The following TNKS1BP1 variants were observed in gnomAD, a reference collection of about 807,000 sequenced individuals.
TNKS1BP1 encodes the protein CCR4-NOT transcription complex subunit 12, also known as 182 kDa tankyrase-1-binding protein.
A neutral mutation model predicts 141.1 loss-of-function variants in TNKS1BP1; 48 were observed. The ratio of observed to expected loss-of-function variants is 0.34; its 90% CI spans 0.27 to 0.43. The LOEUF is 0.43. TNKS1BP1 is among the 20% of genes least tolerant of loss of function. The probability of loss-of-function intolerance (pLI) is 1.00; values close to 1 mark genes in which losing one functional copy is unlikely to be tolerated. For synonymous variants in TNKS1BP1, 875 were observed against 898.2 expected, an observed-to-expected ratio of 0.97 and a Z score of 0.46; for missense variants, 2,149 against 2,226.0, an observed-to-expected ratio of 0.97 and a Z score of 0.70.
In TNKS1BP1 at chr11:57,310,095, T is replaced by C. The variant is rs1855681366; in HGVS notation, c.2616A>G (p.Ser872=). 2 of 1,614,170 alleles carry C rather than the reference T, an allele frequency of 1.2e-6. No individual in the cohort carries two copies. The highest frequency in any genetic ancestry group is 1.1e-5 in the South Asian group (1 of 91,084). Residue 872 remains serine (S), a synonymous_variant, in exon 6 of 12, where the codon TCA becomes TCG. Transcript: ENST00000358252. ...LQDQEFGKRD[S]LGTYSSRDVS... is the part of the protein sequence containing the mutation. Reference sequence around the variant, plus strand: ...CATCTCGACTACTGTAGGTACCCAGTGAATCTCTCTTTCCGAATTCCTGGT... The same window carrying C: ...CATCTCGACTACTGTAGGTACCCAGCGAATCTCTCTTTCCGAATTCCTGGT...
chr11:57,312,914 A>C lies in TNKS1BP1; in HGVS notation c.1774T>G (p.Ser592Ala). Residue 592 changes from serine to alanine, a missense_variant, in exon 5 of 12, where the codon TCG (serine) becomes GCG (alanine). Physicochemically the swap from Ser to Ala is moderately conservative, Grantham distance 99 (BLOSUM62 1). Transcript: ENST00000358252. ...PLQQAEERYE[S>A]QEPLAGQESP... ...TCCTGTCCAGCCAAGGGCTCCTGCG[A>C]CTCGTATCTCTCCTCTGCCTGCTGC... 6.2e-7 allele frequency: 1 copy of C among 1,610,542 alleles called. No individual in the cohort carries two copies.
At chr11:57,320,805 G>T in intron 2 of TNKS1BP1, 93 bp from the exon 3 acceptor site, 1 of 1,373,638 alleles carries the variant, frequency 7.3e-7, no homozygotes, top group South Asian at 1.6e-5. Flanking sequence ...CCCACCCTCC[G>T]ATTTAAGAAT....
chr11:57,311,372 G>A lies in TNKS1BP1; in HGVS notation c.2155-816C>T, dbSNP rs190709989. 1,877 of 985,650 alleles carry A rather than the reference G, an allele frequency of 1.9e-3. 26 individuals carry two copies. The African/African-American group carries it at 0.029, about 15-fold the overall frequency. 61.1% of individuals were successfully genotyped at this position (985,650 alleles called of 1,614,324 possible). A position where few individuals can be genotyped will look rare whatever the true frequency, so the allele number is the denominator to read the frequency against. ...TCCCCAGGCTGGGCCATGGCCCCCCGCCCCCAACCCGCCTTGGGGCTGCTG... is the reference window on the plus strand; with the variant it reads ...TCCCCAGGCTGGGCCATGGCCCCCCACCCCCAACCCGCCTTGGGGCTGCTG... On this transcript the variant is annotated intron_variant, in intron 5 of 11. Coordinates refer to ENST00000358252, the MANE Select transcript of TNKS1BP1 (RefSeq NM_033396.3).
At chr11:57,322,009 C>G in intron 1 of TNKS1BP1, 59 bp from the exon 2 acceptor site, 1 of 1,413,364 alleles carries the variant, frequency 7.1e-7, no homozygotes, top group Non-Finnish European at 9.3e-7. Flanking sequence ...GTAGGTTTAG[C>G]AGAGAGAAGT....
chr11:57,310,691 C>G, intron 5 of TNKS1BP1, 135 bp from the exon 6 acceptor site: 1 of 1,169,464 alleles, frequency 8.6e-7, no homozygotes, highest in Non-Finnish European at 1.2e-6. Flanking sequence ...TGACCTTGAG[C>G]AAATCACTTA....
chr11:57,318,931 T>G (rs1855838219), intron 3 of TNKS1BP1, among the ~76,000 whole-genome samples: 1 of 151,926 alleles, frequency 6.6e-6, no homozygotes, highest in African/African-American at 2.4e-5. Flanking sequence ...GATCACGAGG[T>G]CAGGAGATCG....
chr11:57,303,630 C>A (rs1855563835), intron 6 of TNKS1BP1, among the ~76,000 whole-genome samples: 1 of 152,226 alleles, frequency 6.6e-6, no homozygotes, highest in Non-Finnish European at 1.5e-5. Flanking sequence ...TTTATGCCCC[C>A]AGCACCTGAC....
At chr11:57,318,013 A>G in intron 3 of TNKS1BP1, 126 bp from the exon 4 acceptor site, 1 of 821,240 alleles carries the variant, frequency 1.2e-6, no homozygotes, top group Non-Finnish European at 2.0e-6. Flanking sequence ...CTAGCCATTT[A>G]CTCTTGAGCC....
chr11:57,310,965 CCT>C (rs1366381127), intron 5 of TNKS1BP1, among the ~76,000 whole-genome samples: 1 of 152,166 alleles, frequency 6.6e-6, no homozygotes, highest in African/African-American at 2.4e-5. Flanking sequence ...AGATTCAAAG[CCT>C]CTCTGCGACT....
intron 1 of TNKS1BP1, among the ~76,000 whole-genome samples, chr11:57,323,903 C>T (rs909741955): frequency 5.3e-5 from 8 of 152,132 alleles, no homozygotes; most frequent in African/African-American, 1.9e-4. Context: ...GTATGAGGGG[C>T]TGCAGCAATG....
At chr11:57,314,076 A>G (rs1044162085) in intron 4 of TNKS1BP1, among the ~76,000 whole-genome samples, 187 bp from the exon 5 acceptor site, 1 of 152,162 alleles carries the variant, frequency 6.6e-6, no homozygotes, top group Non-Finnish European at 1.5e-5. Flanking sequence ...GACTTCTCAC[A>G]GAGCCCCCTT....
rs769550905 is a variant in TNKS1BP1 at position 57,312,517 on chromosome 11, C to T, written c.2154+17G>A. The T allele has an allele frequency of 2.0e-6, 3 of 1,465,110 alleles. No homozygotes were observed. The South Asian group carries it at 4.7e-5, about 23-fold the overall frequency. The allele number at this position is 1,465,110 out of a possible 1,614,324, so 90.8% of individuals were successfully genotyped here. A position where few individuals can be genotyped will look rare whatever the true frequency, so the allele number is the denominator to read the frequency against. ...CTCTGTCCCCAGAAGTCCCATTCTC[C>T]CTATGCCCATTCTCACCTCAGAGCA... is the stretch of plus-strand genomic sequence containing the variant. On this transcript the variant is annotated intron_variant, in intron 5 of 11. Coordinates refer to ENST00000358252, the MANE Select transcript of TNKS1BP1 (RefSeq NM_033396.3).
chr11:57,321,149 C>G (rs1281419777), intron 2 of TNKS1BP1, among the ~76,000 whole-genome samples: 1 of 152,128 alleles, frequency 6.6e-6, no homozygotes, highest in Non-Finnish European at 1.5e-5. Flanking sequence ...CTCTATCATC[C>G]ATAGTAAACT....
intron 1 of TNKS1BP1, 75 bp downstream of exon 1, chr11:57,324,763 CCA>C (rs1855941920): frequency 4.6e-5 from 45 of 981,688 alleles, no homozygotes; most frequent in Non-Finnish European, 5.4e-5. Context: ...TGGAAAGCAC[CCA>C]CTCCTTCCAT....
At position 57,317,872 on chromosome 11, in the gene TNKS1BP1, G is replaced by T. The variant is rs1335703167; in HGVS notation, c.744C>A (p.Asp248Glu). ...KTPEERSLPS[D>E]LAFNGDLAKA... The stretch of plus-strand genomic sequence containing the variant: ...TAGCCAGGTCCCCGTTGAAGGCCAG[G>T]TCGGAAGGAAGGCTCCTGTGAGGGA... Residue 248 changes from aspartate (D) to glutamate (E), a missense_variant, in exon 4 of 12, where the codon GAC (aspartate) becomes GAA (glutamate). By Grantham distance (45) the Asp-to-Glu change is conservative. Coordinates refer to ENST00000358252, the MANE Select transcript of TNKS1BP1 (RefSeq NM_033396.3). 3.1e-6 allele frequency: 5 copies of T among 1,613,866 alleles called. No homozygotes were observed. The highest frequency in any genetic ancestry group is 4.2e-6 in the Non-Finnish European group (5 of 1,179,876).
Position 57,309,641 on chromosome 11 carries a change from A to C in TNKS1BP1, c.3070T>G (p.Ser1024Ala). The change falls in exon 6 of 12, where the codon TCC becomes GCC. Residue 1024 changes from serine (S) to alanine (A), a missense_variant. By Grantham distance (99) the Ser-to-Ala change is moderately conservative. Transcript: ENST00000358252. The surrounding 1 kb of genome is among the most constrained non-coding windows in gnomAD (Gnocchi z 4.3). ...GTGCTAGGACTGAACAAGCCCCCGG[A>C]TCCTCTCTCTCCTGGCCGGCCAGCA... Reference protein sequence around the residue: ...RDAGRPGERGSGGLFSPSTAH... With the variant: ...RDAGRPGERGAGGLFSPSTAH... 1 of 1,614,012 alleles carries C rather than the reference A, an allele frequency of 6.2e-7. No individual in the cohort carries two copies. The highest frequency in any genetic ancestry group is 8.5e-7 in the Non-Finnish European group (1 of 1,180,000).
Position 57,302,047 on chromosome 11 carries a change from C to T in TNKS1BP1, c.4834+27G>A. The T allele has an allele frequency of 6.2e-7, 1 of 1,605,664 alleles. No homozygotes were observed. Among genetic ancestry groups the T allele is most frequent in the South Asian group, 1.1e-5 (1 of 90,960 alleles). On this transcript the variant is annotated intron_variant, in intron 8 of 11. Transcript: ENST00000358252. The surrounding 1 kb of genome is among the most constrained non-coding windows in gnomAD (Gnocchi z 5.5). ...GCCTAATGCCCTAGAGATCAAGAGACATCACCAAATAATACATCAGCCCTA... is the reference window on the plus strand; with the variant it reads ...GCCTAATGCCCTAGAGATCAAGAGATATCACCAAATAATACATCAGCCCTA...
chr11:57,305,371 C>T (rs201522890), intron 6 of TNKS1BP1, among the ~76,000 whole-genome samples: 2 of 152,286 alleles, frequency 1.3e-5, no homozygotes, highest in East Asian at 3.9e-4. Flanking sequence ...CATTATCATC[C>T]TCAACACGGG....
chr11:57,322,070 G>C, intron 1 of TNKS1BP1, 120 bp from the exon 2 acceptor site: 1 of 386,380 alleles, frequency 2.6e-6, no homozygotes. Flanking sequence ...AGAACTTGGA[G>C]TGGGGGGGGG....
Sources: allele counts gnomAD v4.1 joint callset (sites outside exome capture counted in the v4.1 genomes callset), GRCh38; gene constraint gnomAD v4.1.1; non-coding constraint Gnocchi (gnomAD v3.1); transcripts MANE v1.5; gene names NCBI Gene and HGNC (gene_info 2026-07-23, HGNC 2026-07-21).